Variants in VAV1 observed in about 807,000 individuals in gnomAD.
The protein encoded by VAV1 is vav guanine nucleotide exchange factor 1, also known as proto-oncogene vav.
A neutral mutation model predicts 128.1 loss-of-function variants in VAV1; 33 were observed. The observed-to-expected ratio is 0.26, with a 90% CI of 0.20 to 0.34. VAV1 has a LOEUF of 0.34. VAV1 is among the 10% of genes least tolerant of loss of function. The pLI, the probability that VAV1 is intolerant of heterozygous loss-of-function variation, is 1.00. For synonymous variants in VAV1, 394 were observed against 409.8 expected, an observed-to-expected ratio of 0.96 and a Z score of 0.47; for missense variants, 715 against 1,093.7, an observed-to-expected ratio of 0.65 and a Z score of 4.88.
rs1251894078 is a variant in VAV1, at chr19:6,822,479, G to A, written c.619G>A (p.Glu207Lys). The change falls in exon 6 of 27, where the codon GAG (glutamate) becomes AAG (lysine). Residue 207 changes from glutamate to lysine, a missense_variant. Transcript: ENST00000602142. This position sits in a 1 kb window ranked among gnomAD's most constrained non-coding sequence, Gnocchi z 5.9. The part of the protein sequence containing the change: ...CCLREIQQTE[E>K]KYTDTLGSIQ... The stretch of plus-strand genomic sequence containing the variant: ...CCTGCGGGAGATCCAGCAGACGGAG[G>A]AGAAGTACACTGACACGCTGGGCTC... 6.4e-7 allele frequency: 1 copy of A among 1,558,522 alleles called. No individual in the cohort carries two copies. The highest frequency in any genetic ancestry group is 1.2e-5 in the South Asian group (1 of 84,722).
At chr19:6,786,477 TA>T (rs1205998335) in intron 1 of VAV1, among the ~76,000 whole-genome samples, 1 of 151,780 alleles carries the variant, frequency 6.6e-6, no homozygotes, top group Admixed American at 6.6e-5. Context: ...TAAATTAATT[TA>T]AAAAATTAAA....
chr19:6,803,107 G>T (rs1163519066), intron 1 of VAV1, among the ~76,000 whole-genome samples: 2 of 152,118 alleles, frequency 1.3e-5, no homozygotes, highest in African/African-American at 4.8e-5. Context: ...TCTTTGTTTT[G>T]CCCAGGAAAG....
At position 6,826,898 on chromosome 19, in the gene VAV1, G is replaced by T. The variant is rs569818843; in HGVS notation, c.927+187G>T. Reference sequence around the variant, plus strand: ...AATGGAGAAGAACAGAAATGGGCTGGCCCTGGGTCTGGGCTGACCCCTGAT... The same window carrying T: ...AATGGAGAAGAACAGAAATGGGCTGTCCCTGGGTCTGGGCTGACCCCTGAT... On this transcript the variant is annotated intron_variant, in intron 9 of 26. Transcript: ENST00000602142. This position sits in a 1 kb window ranked among gnomAD's most constrained non-coding sequence, Gnocchi z 4.1. 8.9e-5 allele frequency: 55 copies of T among 615,928 alleles called. No individual in the cohort carries two copies. In the East Asian group the frequency reaches 1.4e-3, roughly 15 times the overall value. 38.2% of individuals were successfully genotyped at this position (615,928 alleles called of 1,614,324 possible).
At chr19:6,819,813 C>G (rs1387867843) in intron 1 of VAV1, among the ~76,000 whole-genome samples, 2 of 152,144 alleles carry the variant, frequency 1.3e-5, no homozygotes, top group African/African-American at 4.8e-5. Flanking sequence ...GAGTGCTGAA[C>G]CTGTTGGGAC....
chr19:6,813,223 G>A (rs190796556), intron 1 of VAV1, among the ~76,000 whole-genome samples: 1 of 152,338 alleles, frequency 6.6e-6, no homozygotes, highest in Non-Finnish European at 1.5e-5. Context: ...CTTAGCTGGA[G>A]GGTCTACTTC....
chr19:6,845,697 TTTATA>T (rs1178300085), intron 22 of VAV1, among the ~76,000 whole-genome samples: 6 of 149,456 alleles, frequency 4.0e-5, no homozygotes, highest in South Asian at 4.2e-4. Flanking sequence ...CACATTTATG[TTTATA>T]TTATATTATA....
At position 6,822,590 on chromosome 19, in the gene VAV1, G is replaced by C. The variant is rs1375723056; in HGVS notation, c.654+76G>C. The C allele has an allele frequency of 7.7e-7, 1 of 1,305,206 alleles. No individual in the cohort carries two copies. Among genetic ancestry groups the C allele is most frequent in the Non-Finnish European group, 1.1e-6 (1 of 948,032 alleles). 80.9% of individuals were successfully genotyped at this position (1,305,206 alleles called of 1,614,324 possible). A position where few individuals can be genotyped will look rare whatever the true frequency, so the allele number is the denominator to read the frequency against. ...CGGCAGGTGCACGTCCACCTGTCCG[G>C]CCGCTCTGGGCAGCTGAGGATTTCC... On this transcript the variant is annotated intron_variant, in intron 6 of 26. Transcript: ENST00000602142. The surrounding 1 kb of genome is among the most constrained non-coding windows in gnomAD (Gnocchi z 5.9).
At chr19:6,850,235 T>TG (rs1329948753) in intron 23 of VAV1, among the ~76,000 whole-genome samples, 2 of 133,138 alleles carry the variant, frequency 1.5e-5, no homozygotes, top group African/African-American at 3.0e-5. Context: ...GTTTTTTTTT[T>TG]TTTTTTTTTT....
intron 1 of VAV1, among the ~76,000 whole-genome samples, chr19:6,818,887 G>T (rs999373812): frequency 6.6e-6 from 1 of 152,094 alleles, no homozygotes; most frequent in East Asian, 1.9e-4. Flanking sequence ...AGGCCGAGGC[G>T]GGTGGATCAC....
chr19:6,811,969 C>A (rs1415099139), intron 1 of VAV1, among the ~76,000 whole-genome samples: 1 of 152,136 alleles, frequency 6.6e-6, no homozygotes, highest in Non-Finnish European at 1.5e-5. Flanking sequence ...TCTCAGCCTG[C>A]AGAAAATAGG....
chr19:6,773,260 A>C (rs1299500202), intron 1 of VAV1, among the ~76,000 whole-genome samples: 2 of 151,980 alleles, frequency 1.3e-5, no homozygotes, highest in African/African-American at 4.8e-5. Flanking sequence ...AGAACTGGCA[A>C]ACTAGGGGTT....
At chr19:6,836,409 T>C in intron 19 of VAV1, 23 bp from the exon 20 acceptor site, 1 of 1,609,716 alleles carries the variant, frequency 6.2e-7, no homozygotes, top group Non-Finnish European at 8.5e-7. Context: ...AACCACCCTG[T>C]ACTCCTGTAC....
chr19:6,834,659 TA>T (rs1972174517), intron 19 of VAV1, among the ~76,000 whole-genome samples: 1 of 146,550 alleles, frequency 6.8e-6, no homozygotes, highest in African/African-American at 2.5e-5. Flanking sequence ...TAATAATATA[TA>T]AAATATATAT....
At position 6,833,953 on chromosome 19, in the gene VAV1, G is replaced by C. The variant is rs1438223396; in HGVS notation, c.1777G>C (p.Gly593Arg). 1.2e-6 allele frequency: 2 copies of C among 1,614,002 alleles called. No homozygotes were observed. The highest frequency in any genetic ancestry group is 2.2e-5 in the South Asian group (2 of 91,068). Residue 593 changes from glycine (G) to arginine (R), a missense_variant and splice_region_variant, in exon 19 of 27, where the codon GGT becomes CGT. Gly to Arg is a moderately radical substitution (Grantham distance 125). Transcript: ENST00000602142. ...TCAGGACAAAAAGAGGAATGAGCTG[G>C]GTGAGTTGGCAGGGGTTGCTGTGTG... ...RAQDKKRNEL[G>R]LPKMEVFQEY...
chr19:6,780,580 T>C (rs1269647458), intron 1 of VAV1, among the ~76,000 whole-genome samples: 3 of 148,576 alleles, frequency 2.0e-5, no homozygotes, highest in South Asian at 2.2e-4. Context: ...TTTCTTTTTT[T>C]TTTTTTTTTG....
intron 6 of VAV1, among the ~76,000 whole-genome samples, chr19:6,824,079 G>A (rs1971857337): frequency 6.6e-6 from 1 of 151,530 alleles, no homozygotes; most frequent in Non-Finnish European, 1.5e-5. Flanking sequence ...CTGGGGCCAC[G>A]GGTGCATGCC....
intron 21 of VAV1, among the ~76,000 whole-genome samples, chr19:6,840,520 C>T (rs879887886): frequency 4.6e-5 from 7 of 151,118 alleles, no homozygotes; most frequent in Non-Finnish European, 5.9e-5. Flanking sequence ...AGGATGGTCT[C>T]GATCTCCTGA....
intron 26 of VAV1, among the ~76,000 whole-genome samples, chr19:6,855,249 TG>T (rs2144837667): frequency 6.6e-6 from 1 of 152,330 alleles, no homozygotes; most frequent in Non-Finnish European, 1.5e-5. Flanking sequence ...CAAAAAATGA[TG>T]TGGATAATTG....
chr19:6,831,305 T>A (rs897288956), intron 14 of VAV1, among the ~76,000 whole-genome samples: 5 of 152,048 alleles, frequency 3.3e-5, no homozygotes, highest in Non-Finnish European at 7.4e-5. Context: ...TGTGCTCTGG[T>A]CTGTGGCTTC....
Sources: gnomAD v4.1 joint callset for allele counts (sites outside exome capture counted in the v4.1 genomes callset) on GRCh38, gnomAD v4.1.1 for gene constraint, Gnocchi (gnomAD v3.1) non-coding constraint, MANE v1.5 for transcripts, NCBI Gene and HGNC (gene_info 2026-07-23, HGNC 2026-07-21) for gene names.